LCORL: variants seen among roughly 807,000 people sequenced by gnomAD.
The protein encoded by LCORL is ligand dependent nuclear receptor corepressor like.
Under a neutral mutation model 141.8 loss-of-function variants are expected in LCORL, and 41 were observed. That is an observed-to-expected ratio of 0.29 (90% confidence interval 0.23 to 0.38). The LOEUF (loss-of-function observed/expected upper bound fraction) is 0.38. Among genes scored for constraint, LCORL ranks in the 10% least tolerant of loss-of-function variants. The probability of loss-of-function intolerance (pLI) is 1.00; values close to 1 mark genes in which losing one functional copy is unlikely to be tolerated. For missense variants in LCORL, 1,759 were observed against 2,035.0 expected (o/e 0.86, Z 2.61); for synonymous variants, 618 against 694.1 (o/e 0.89, Z 1.72).
At chr4:17,876,429 T>C in exon 7 of LCORL, 1 of 1,230,994 alleles carries the variant, frequency 8.1e-7, no homozygotes. Context: ...TGATAATGGC[T>C]GATTATTCCA....
intron 7 of LCORL, among the ~76,000 whole-genome samples, chr4:17,858,073 CAT>C (rs1724569183): frequency 6.6e-6 from 1 of 152,062 alleles, no homozygotes; most frequent in South Asian, 2.1e-4. Flanking sequence ...GAAATTGGTA[CAT>C]GAGGATGTTA....
chr4:17,949,602 T>C (rs557624090), intron 4 of LCORL, among the ~76,000 whole-genome samples: 153 of 152,294 alleles, frequency 1.0e-3, no homozygotes, highest in Non-Finnish European at 1.4e-3. Context: ...GAGGGAATTC[T>C]GCTCAACTGT....
chr4:17,873,813 T>A, exon 7 of LCORL: 1 of 1,234,050 alleles, frequency 8.1e-7, no homozygotes. Flanking sequence ...TATTCTACAG[T>A]CTTTTAAGGT....
At chr4:17,896,455 T>G (rs894919918) in intron 5 of LCORL, among the ~76,000 whole-genome samples, 6 of 152,246 alleles carry the variant, frequency 3.9e-5, no homozygotes, top group African/African-American at 1.2e-4. Flanking sequence ...AGATAATTTT[T>G]TTGTATTTGG....
chr4:17,992,450 T>C (rs1720193211), intron 1 of LCORL, among the ~76,000 whole-genome samples: 1 of 152,222 alleles, frequency 6.6e-6, no homozygotes, highest in Non-Finnish European at 1.5e-5. Context: ...GTCATAATGC[T>C]ATTTAAACTG....
In LCORL at chr4:18,021,145, G is replaced by T. The variant is rs1445651575; in HGVS notation, c.154+453C>A. Among the ~76,000 whole-genome samples, 1 of 152,000 alleles carries T rather than the reference G, an allele frequency of 6.6e-6. No individual in the cohort carries two copies. Among genetic ancestry groups the T allele is most frequent in the South Asian group, 2.1e-4 (1 of 4,834 alleles). On this transcript the variant is annotated intron_variant, in intron 1 of 7. Coordinates refer to ENST00000635767, the Ensembl canonical transcript of LCORL. The surrounding 1 kb of genome is among the most constrained non-coding windows in gnomAD (Gnocchi z 5.5). ...CCCGGCCCCCGGCGGCGACAAGGGGGTGTGTGTGCGCTCGGCGGGGGCGCG... is the reference window on the plus strand; with the variant it reads ...CCCGGCCCCCGGCGGCGACAAGGGGTTGTGTGTGCGCTCGGCGGGGGCGCG...
chr4:17,946,291 C>T (rs1738864030), intron 4 of LCORL, among the ~76,000 whole-genome samples: 1 of 151,926 alleles, frequency 6.6e-6, no homozygotes. Flanking sequence ...TTTTTCTGAA[C>T]TGTATTACTG....
At chr4:17,990,570 T>C (rs1428220690) in intron 1 of LCORL, among the ~76,000 whole-genome samples, 2 of 151,664 alleles carry the variant, frequency 1.3e-5, no homozygotes, top group African/African-American at 4.8e-5. Flanking sequence ...TACTGTATCA[T>C]GATATGCACT....
intron 4 of LCORL, chr4:17,911,636 G>A (rs1355694778): frequency 4.5e-6 from 2 of 443,660 alleles, no homozygotes; most frequent in Non-Finnish European, 8.8e-6. Flanking sequence ...CGTTGGCAAA[G>A]TCTGAGTCCT....
intron 5 of LCORL, among the ~76,000 whole-genome samples, chr4:17,902,653 A>G (rs943304116): frequency 6.6e-6 from 1 of 152,128 alleles, no homozygotes; most frequent in Non-Finnish European, 1.5e-5. Flanking sequence ...AATCACAGCC[A>G]AGAAAGCACA....
chr4:17,909,198 C>T (rs772069820), exon 5 of LCORL: 2 of 1,613,530 alleles, frequency 1.2e-6, no homozygotes, highest in Non-Finnish European at 1.7e-6. Flanking sequence ...GATACTTTTA[C>T]ATACTATACT....
chr4:17,979,407 C>T (rs914967666), intron 1 of LCORL, among the ~76,000 whole-genome samples: 5 of 152,144 alleles, frequency 3.3e-5, no homozygotes, highest in East Asian at 3.8e-4. Flanking sequence ...CAGAGGTGGA[C>T]GTTCATCCTC....
chr4:17,916,535 A>G (rs1057414592), intron 4 of LCORL, among the ~76,000 whole-genome samples: 1 of 151,794 alleles, frequency 6.6e-6, no homozygotes, highest in African/African-American at 2.4e-5. Flanking sequence ...GCTTTCTGCC[A>G]TGATTGTAAG....
chr4:17,982,145 T>TGG (rs71167344), intron 1 of LCORL, among the ~76,000 whole-genome samples: 1 of 143,980 alleles, frequency 6.9e-6, no homozygotes, highest in South Asian at 2.3e-4. Context: ...TGTGTGTGTG[T>TGG]ATACAAGATA....
At chr4:17,867,391 G>C (rs1399450994) in intron 7 of LCORL, among the ~76,000 whole-genome samples, 1 of 152,122 alleles carries the variant, frequency 6.6e-6, no homozygotes, top group Non-Finnish European at 1.5e-5. Flanking sequence ...GTGTCTTGTT[G>C]CAACTATTCA....
At chr4:17,895,266 A>C (rs1179885463) in intron 5 of LCORL, among the ~76,000 whole-genome samples, 1 of 151,850 alleles carries the variant, frequency 6.6e-6, no homozygotes, top group African/African-American at 2.4e-5. Context: ...TATTCCTCCT[A>C]CCTAACTTTG....
At chr4:17,973,820 A>C (rs745951493) in intron 1 of LCORL, among the ~76,000 whole-genome samples, 2 of 151,938 alleles carry the variant, frequency 1.3e-5, no homozygotes, top group African/African-American at 2.4e-5. Flanking sequence ...CAAAATCAAG[A>C]CTCATCTTAG....
chr4:17,983,445 C>A (rs562515253), intron 1 of LCORL, among the ~76,000 whole-genome samples: 97 of 152,170 alleles, frequency 6.4e-4, no homozygotes, highest in African/African-American at 2.3e-3. Context: ...CTTATCTGAG[C>A]AGTGTTTTGT....
intron 6 of LCORL, chr4:17,882,483 T>C (rs145680111): frequency 1.5e-5 from 15 of 984,184 alleles, no homozygotes; most frequent in South Asian, 4.7e-5. Context: ...GTCTCTCTTA[T>C]GAGTCTAGTA....
Sources: gnomAD v4.1 joint callset for allele counts (sites outside exome capture counted in the v4.1 genomes callset) on GRCh38, gnomAD v4.1.1 for gene constraint, Gnocchi (gnomAD v3.1) non-coding constraint, MANE v1.5 for transcripts, NCBI Gene and HGNC (gene_info 2026-07-23, HGNC 2026-07-21) for gene names.